Variants in FLT3 observed in about 807,000 individuals in gnomAD.
The protein encoded by FLT3 is fms related receptor tyrosine kinase 3, also known as receptor-type tyrosine-protein kinase FLT3.
FLT3 carries 46 observed loss-of-function variants against 126.6 expected under a neutral mutation model. That is an observed-to-expected ratio of 0.36 (90% CI 0.29 to 0.46). FLT3 has a LOEUF of 0.46. Ranked by LOEUF, FLT3 falls within the 20% of genes least tolerant of loss-of-function variation. The probability of loss-of-function intolerance (pLI) is 1.00; values close to 1 mark genes in which losing one functional copy is unlikely to be tolerated. For synonymous variants in FLT3, 404 were observed against 434.4 expected, an observed-to-expected ratio of 0.93 and a Z score of 0.87; for missense variants, 1,069 against 1,190.3, an observed-to-expected ratio of 0.90 and a Z score of 1.50.
chr13:28,061,176 T>A (rs1238254714), intron 3 of FLT3, among the ~76,000 whole-genome samples: 1 of 151,462 alleles, frequency 6.6e-6, no homozygotes, highest in Non-Finnish European at 1.5e-5. Context: ...GCCAACATGG[T>A]GAAACCCCAT....
At chr13:28,087,072 T>A (rs1462109585) in intron 1 of FLT3, among the ~76,000 whole-genome samples, 1 of 152,184 alleles carries the variant, frequency 6.6e-6, no homozygotes, top group Non-Finnish European at 1.5e-5. Flanking sequence ...TTTTTGGATA[T>A]AGAACTACAC....
intron 15 of FLT3, among the ~76,000 whole-genome samples, chr13:28,028,817 T>G (rs1392016676): frequency 6.8e-6 from 1 of 146,518 alleles, no homozygotes; most frequent in Non-Finnish European, 1.5e-5. Flanking sequence ...TATCTCACTC[T>G]GTCACCCAGG....
intron 2 of FLT3, among the ~76,000 whole-genome samples, chr13:28,064,892 CA>C (rs1277873283): frequency 6.6e-5 from 10 of 152,144 alleles, no homozygotes; most frequent in Non-Finnish European, 1.0e-4. Context: ...TTAATTGCAG[CA>C]CAATTCATAA....
At chr13:28,094,498 C>T (rs1288084999) in intron 1 of FLT3, among the ~76,000 whole-genome samples, 1 of 151,736 alleles carries the variant, frequency 6.6e-6, no homozygotes, top group African/African-American at 2.4e-5. Flanking sequence ...TATTTTTTTC[C>T]TTTCTTTTTT....
intron 4 of FLT3, among the ~76,000 whole-genome samples, chr13:28,055,884 G>A (rs60881931): frequency 0.058 from 8,853 of 152,160 alleles, 851 homozygotes; most frequent in African/African-American, 0.2. Context: ...CCACAGAGGC[G>A]GTGAGGGACT....
Position 28,061,906 on chromosome 13 carries a change from C to G in FLT3, c.329G>C (p.Ser110Thr). 1 of 1,614,104 alleles carries G rather than the reference C, an allele frequency of 6.2e-7. No homozygotes were observed. The highest frequency in any genetic ancestry group is 8.5e-7 in the Non-Finnish European group (1 of 1,179,994). ...AAAATGTGGCTGGCAATTCAGGGAG[C>G]TGTGCTTAAAGACCCAGAGACAGGA... is the stretch of plus-strand genomic sequence containing the variant. ...NISCLWVFKHSSLNCQPHFDL... is the reference protein window; with the variant it reads ...NISCLWVFKHTSLNCQPHFDL... Residue 110 changes from serine (S) to threonine (T), a missense_variant, in exon 3 of 24, where the codon AGC (serine) becomes ACC (threonine). Ser to Thr is a moderately conservative substitution (Grantham distance 58). Transcript: ENST00000241453.
intron 1 of FLT3, among the ~76,000 whole-genome samples, chr13:28,083,470 C>T (rs1260679213): frequency 2.0e-5 from 3 of 152,090 alleles, no homozygotes; most frequent in African/African-American, 7.2e-5. Context: ...TAACCTTTGT[C>T]TGGTTTTGGT....
chr13:28,072,251 A>G (rs1450302582), intron 1 of FLT3, among the ~76,000 whole-genome samples: 1 of 151,812 alleles, frequency 6.6e-6, no homozygotes, highest in Non-Finnish European at 1.5e-5. Context: ...ATGTACATAT[A>G]AGTATATACA....
intron 23 of FLT3, among the ~76,000 whole-genome samples, chr13:28,011,681 C>CCTTCCTTCCTTCCTTCCTTCCTTCCT (rs1156727756): frequency 1.2e-4 from 2 of 16,010 alleles, no homozygotes; most frequent in Non-Finnish European, 2.5e-4. Flanking sequence ...CCTTCCTTCC[C>CCTTCCTTCCTTCCTTCCTTCCTTCCT]TCCTCCTTCC....
intron 2 of FLT3, chr13:28,068,232 GA>G (rs928920311): frequency 1.1e-4 from 16 of 146,868 alleles, no homozygotes; most frequent in South Asian, 6.5e-4. Context: ...TCACTGACAG[GA>G]AAAAAAAAAC....
At chr13:28,023,269 T>C in intron 19 of FLT3, 81 bp downstream of exon 19, 1 of 1,444,812 alleles carries the variant, frequency 6.9e-7, no homozygotes, top group Non-Finnish European at 9.4e-7. Context: ...GGGATACAAG[T>C]TAAAATAAAC....
intron 1 of FLT3, among the ~76,000 whole-genome samples, chr13:28,078,173 C>T (rs1316044680): frequency 6.6e-6 from 1 of 152,198 alleles, no homozygotes; most frequent in Non-Finnish European, 1.5e-5. Context: ...TCTCACAGCT[C>T]CAGTAGGCAG....
chr13:28,060,144 C>T (rs977712206), intron 3 of FLT3, among the ~76,000 whole-genome samples: 1 of 150,248 alleles, frequency 6.7e-6, no homozygotes, highest in Non-Finnish European at 1.5e-5. Context: ...CCTGTAATCC[C>T]AGCACTTTGG....
chr13:28,006,900 G>A (rs953346056), intron 23 of FLT3, among the ~76,000 whole-genome samples: 1 of 151,726 alleles, frequency 6.6e-6, no homozygotes, highest in Admixed American at 6.6e-5. Context: ...CACCACACCT[G>A]GCTAATTTTT....
intron 9 of FLT3, among the ~76,000 whole-genome samples, chr13:28,047,044 G>A (rs555887217): frequency 5.3e-5 from 8 of 152,134 alleles, no homozygotes; most frequent in East Asian, 1.9e-4. Context: ...GGTGGCTACC[G>A]TACCGGACAG....
At chr13:28,084,652 C>G (rs2137814944) in intron 1 of FLT3, among the ~76,000 whole-genome samples, 2 of 152,196 alleles carry the variant, frequency 1.3e-5, no homozygotes, top group South Asian at 4.1e-4. Flanking sequence ...CTATTGTAGT[C>G]AGAAGATATA....
At chr13:28,040,069 C>T (rs766183250) in intron 9 of FLT3, among the ~76,000 whole-genome samples, 87 of 152,184 alleles carry the variant, frequency 5.7e-4, no homozygotes, top group Admixed American at 1.4e-3. Context: ...TTGTAGCAAT[C>T]CAAGAACTCG....
At chr13:28,059,414 CA>C (rs757947438) in intron 3 of FLT3, among the ~76,000 whole-genome samples, 3 of 152,210 alleles carry the variant, frequency 2.0e-5, no homozygotes, top group Admixed American at 6.5e-5. Context: ...GGCAAGAGGA[CA>C]AGGACAGCAG....
At chr13:28,094,039 C>T (rs1053056763) in intron 1 of FLT3, among the ~76,000 whole-genome samples, 24 of 152,166 alleles carry the variant, frequency 1.6e-4, no homozygotes, top group African/African-American at 5.3e-4. Context: ...ACGTGCCTAA[C>T]AAGGAGTGCA....
Sources: allele counts gnomAD v4.1 joint callset (sites outside exome capture counted in the v4.1 genomes callset), GRCh38; gene constraint gnomAD v4.1.1; transcripts MANE v1.5; gene names NCBI Gene and HGNC (gene_info 2026-07-23, HGNC 2026-07-21).